Variants in ABR observed in about 807,000 individuals in gnomAD.
The protein encoded by ABR is ABR activator of RhoGEF and GTPase.
ABR carries 35 observed loss-of-function variants against 107.2 expected under a neutral mutation model. The ratio of observed to expected loss-of-function variants is 0.33; its 90% CI spans 0.25 to 0.43. The LOEUF is 0.43. ABR is among the 20% of genes least tolerant of loss of function. ABR has a pLI of 1.00. For missense variants in ABR, 815 were observed against 1,115.2 expected (o/e 0.73, Z 3.83); for synonymous variants, 498 against 462.0 (o/e 1.08, Z -1.00).
intron 2 of ABR, among the ~76,000 whole-genome samples, chr17:1,118,200 C>T (rs1309816504): frequency 1.2e-5 from 1 of 81,068 alleles, no homozygotes; most frequent in East Asian, 3.2e-4. Flanking sequence ...TCCTCCCCAG[C>T]GTTATCCCTG....
intron 1 of ABR, among the ~76,000 whole-genome samples, chr17:1,217,754 G>A (rs1185779384): frequency 6.6e-6 from 1 of 152,152 alleles, no homozygotes; most frequent in Admixed American, 6.6e-5. Flanking sequence ...GAGTGCAGTG[G>A]TGCAATCTCA....
intron 3 of ABR, among the ~76,000 whole-genome samples, chr17:1,099,170 A>G (rs1436000926): frequency 6.8e-6 from 1 of 147,908 alleles, no homozygotes; most frequent in Non-Finnish European, 1.5e-5. Flanking sequence ...TCGCCCCCAG[A>G]TTCAAGCAAT....
At chr17:1,160,857 A>G (rs2041259973) in intron 1 of ABR, among the ~76,000 whole-genome samples, 1 of 152,232 alleles carries the variant, frequency 6.6e-6, no homozygotes, top group South Asian at 2.1e-4. Context: ...ACGCTCCACA[A>G]AGGGAACTTC....
At chr17:1,087,828 G>A (rs561462927) in intron 4 of ABR, among the ~76,000 whole-genome samples, 14 of 152,288 alleles carry the variant, frequency 9.2e-5, no homozygotes, top group East Asian at 3.9e-4. Flanking sequence ...CCAGCCGTGC[G>A]GAGGCCTGCG....
intron 16 of ABR, among the ~76,000 whole-genome samples, chr17:1,021,394 G>A (rs1288275223): frequency 6.6e-6 from 1 of 152,208 alleles, no homozygotes; most frequent in Non-Finnish European, 1.5e-5. Flanking sequence ...CTGCCCTCGG[G>A]GGCCGCCCCA....
At chr17:1,163,584 C>T (rs1436859287) in intron 1 of ABR, among the ~76,000 whole-genome samples, 4 of 107,870 alleles carry the variant, frequency 3.7e-5, no homozygotes, top group Admixed American at 1.9e-4. Context: ...TGAATCCAGA[C>T]GCAGGGACCC....
At chr17:1,031,881 T>G in intron 16 of ABR, 2 of 849,170 alleles carry the variant, frequency 2.4e-6, no homozygotes, top group Non-Finnish European at 2.8e-6. Context: ...CGCGCTCCCC[T>G]CCCTCCCTCC....
At chr17:1,053,851 G>A (rs1156572834) in intron 14 of ABR, among the ~76,000 whole-genome samples, 1 of 152,038 alleles carries the variant, frequency 6.6e-6, no homozygotes, top group African/African-American at 2.4e-5. Context: ...GTGGCGCCTG[G>A]TCCAGACATG....
intron 1 of ABR, among the ~76,000 whole-genome samples, chr17:1,126,002 G>A (rs2039584325): frequency 1.3e-5 from 2 of 152,172 alleles, no homozygotes; most frequent in Admixed American, 6.5e-5. Flanking sequence ...CTCGGAGCCG[G>A]TGCTTATTTC....
chr17:1,098,229 C>T (rs567015550), intron 3 of ABR, among the ~76,000 whole-genome samples: 7 of 152,224 alleles, frequency 4.6e-5, no homozygotes, highest in Admixed American at 2.0e-4. Context: ...CTCGCCACCA[C>T]GCCCGGCTAA....
rs761636637 is a variant in ABR, at chr17:1,056,015, G to A, written c.1561+20C>T. ...AATCCACAATGGCCCACCCAACCTC[G>A]TCCTGGCCAGGGCACTTACTGGCTG... On this transcript the variant is annotated intron_variant, in intron 14 of 22. Coordinates refer to ENST00000302538, the MANE Select transcript of ABR (RefSeq NM_021962.5). 7.6e-5 allele frequency: 123 copies of A among 1,611,346 alleles called. No homozygotes were observed. The highest frequency in any genetic ancestry group is 1.1e-4 in the East Asian group (5 of 44,890).
At chr17:1,112,918 T>G (rs950674227) in intron 2 of ABR, among the ~76,000 whole-genome samples, 23 of 122,164 alleles carry the variant, frequency 1.9e-4, no homozygotes, top group Admixed American at 9.5e-4. Flanking sequence ...CAGCAAGCAT[T>G]TGTTAACGCC....
intron 2 of ABR, among the ~76,000 whole-genome samples, chr17:1,105,936 CT>C (rs2038217638): frequency 6.6e-6 from 1 of 152,070 alleles, no homozygotes; most frequent in Admixed American, 6.6e-5. Context: ...GTTTTTATTC[CT>C]GACAAATAAG....
intron 2 of ABR, among the ~76,000 whole-genome samples, chr17:1,101,932 A>G (rs1445128993): frequency 6.6e-6 from 1 of 151,802 alleles, no homozygotes; most frequent in African/African-American, 2.4e-5. Flanking sequence ...CCGGGATTTC[A>G]CCGTGTTAGC....
At chr17:1,151,375 G>A (rs1353313318) in intron 1 of ABR, among the ~76,000 whole-genome samples, 1 of 152,076 alleles carries the variant, frequency 6.6e-6, no homozygotes, top group African/African-American at 2.4e-5. Context: ...AATCCCTAGA[G>A]GGCCCCAAGC....
chr17:1,023,119 A>AGAGCCTCTGCCTGCCCCACGTCCACTC (rs1167753663), intron 16 of ABR, among the ~76,000 whole-genome samples: 3 of 98,976 alleles, frequency 3.0e-5, no homozygotes, highest in African/African-American at 1.2e-4. Context: ...CACGTCCACT[A>AGAGCCTCTGCCTGCCCCACGTCCACTC]CAGCGCCTCT....
At position 1,005,216 on chromosome 17, in the gene ABR, C is replaced by CA. The variant is rs1467579901; in HGVS notation, c.*863dup. ...CAGGTCACCTGTGAGTCTTTACACT[C>CA]AAAGGAAATAGAACAGCAGGGAAGG... On this transcript the variant is annotated 3_prime_UTR_variant, in exon 23 of 23. Transcript: ENST00000302538. 5.0e-6 allele frequency: 2 copies of CA among 398,644 alleles called. No individual in the cohort carries two copies. The highest frequency in any genetic ancestry group is 8.8e-6 in the Non-Finnish European group (2 of 226,108). The allele number at this position is 398,644 out of a possible 1,614,324, so 24.7% of individuals were successfully genotyped here.
At chr17:1,058,442 A>G (rs2033587070) in intron 11 of ABR, among the ~76,000 whole-genome samples, 1 of 152,172 alleles carries the variant, frequency 6.6e-6, no homozygotes, top group African/African-American at 2.4e-5. Context: ...GCCCGGCCCA[A>G]AGCTCCTCCT....
rs1175640974 is a variant in ABR at position 1,050,113 on chromosome 17, C to T, written c.1728G>A (p.Lys576=). The change falls in exon 16 of 23, where the codon AAG becomes AAA. Residue 576 remains lysine (K), a synonymous_variant. Coordinates refer to ENST00000302538, the MANE Select transcript of ABR (RefSeq NM_021962.5). The surrounding 1 kb of genome is among the most constrained non-coding windows in gnomAD (Gnocchi z 4.6). The part of the protein sequence containing the change: ...RILCYEKCYD[K]TKVNKDNNEI... The stretch of plus-strand genomic sequence containing the variant: ...CATTGTTGTCCTTGTTGACCTTGGT[C>T]TTGTCATAGCACTTCTCATAGCACA... 5 of 1,614,142 alleles carry T rather than the reference C, an allele frequency of 3.1e-6. No individual in the cohort carries two copies. The highest frequency in any genetic ancestry group is 4.5e-5 in the East Asian group (2 of 44,892).
Sources: allele counts gnomAD v4.1 joint callset (sites outside exome capture counted in the v4.1 genomes callset), GRCh38; gene constraint gnomAD v4.1.1; non-coding constraint Gnocchi (gnomAD v3.1); transcripts MANE v1.5; gene names NCBI Gene and HGNC (gene_info 2026-07-23, HGNC 2026-07-21).